Variants in CDHR1 observed in about 807,000 individuals in gnomAD.
The protein encoded by CDHR1 is cadherin related family member 1, also known as cadherin-related family member 1.
In CDHR1, 61 loss-of-function variants were observed where a neutral mutation model predicts 72.1. The observed-to-expected ratio is 0.85, with a 90% CI of 0.69 to 1.05. CDHR1 has a LOEUF of 1.05. Among genes scored for constraint, CDHR1 ranks in the 50% least tolerant of loss-of-function variants. The pLI, the probability that CDHR1 is intolerant of heterozygous loss-of-function variation, is 0.00. For synonymous variants in CDHR1, 470 were observed against 448.1 expected, an observed-to-expected ratio of 1.05 and a Z score of -0.62; for missense variants, 1,186 against 1,115.7, an observed-to-expected ratio of 1.06 and a Z score of -0.90.
In CDHR1 at chr10:84,218,030, G is replaced by A. The variant is rs996542769; in HGVS notation, c.*3409G>A. 2.1e-5 allele frequency: 21 copies of A among 985,304 alleles called. No homozygotes were observed. Among genetic ancestry groups the A allele is most frequent in the Admixed American group, 1.2e-4 (2 of 16,276 alleles). 61.0% of individuals were successfully genotyped at this position (985,304 alleles called of 1,614,324 possible). On this transcript the variant is annotated 3_prime_UTR_variant, in exon 17 of 17. Coordinates refer to ENST00000623527, the MANE Select transcript of CDHR1 (RefSeq NM_033100.4). Reference sequence around the variant, plus strand: ...GATTCTATTTTTAGGGACTGAAGGCGTTGAGGGAATCCAAGGCCAGTCCAC... The same window carrying A: ...GATTCTATTTTTAGGGACTGAAGGCATTGAGGGAATCCAAGGCCAGTCCAC...
intron 4 of CDHR1, 83 bp downstream of exon 4, chr10:84,197,919 G>C: frequency 7.4e-7 from 1 of 1,343,208 alleles, no homozygotes; most frequent in South Asian, 1.2e-5. Flanking sequence ...TCCTCCCCAA[G>C]CCTTCATGGG....
At chr10:84,195,848 A>G (rs750223655) in intron 2 of CDHR1, among the ~76,000 whole-genome samples, 28 of 152,214 alleles carry the variant, frequency 1.8e-4, no homozygotes, top group African/African-American at 6.0e-4. Flanking sequence ...GCTGCCCCTT[A>G]TGGCTGTGTG....
chr10:84,213,019 C>A lies in CDHR1; in HGVS notation c.1783-72C>A, dbSNP rs11596760. 753 of 1,588,114 alleles carry A rather than the reference C, an allele frequency of 4.7e-4. 2 individuals are homozygous for A. Among genetic ancestry groups the A allele is most frequent in the South Asian group, 9.6e-4 (87 of 90,362 alleles). ...CATCAACCCAGCAAGCCCCATATGACGTGCTGATTTAGCCAGAGTACACAA... is the reference window on the plus strand; with the variant it reads ...CATCAACCCAGCAAGCCCCATATGAAGTGCTGATTTAGCCAGAGTACACAA... On this transcript the variant is annotated intron_variant, in intron 15 of 16. Coordinates refer to ENST00000623527, the MANE Select transcript of CDHR1 (RefSeq NM_033100.4).
chr10:84,213,072 T>A lies in CDHR1; in HGVS notation c.1783-19T>A. 1 of 1,614,228 alleles carries A rather than the reference T, an allele frequency of 6.2e-7. No homozygotes were observed. On this transcript the variant is annotated intron_variant, in intron 15 of 16. Transcript: ENST00000623527. Reference sequence around the variant, plus strand: ...ATTGTCCCCAAAGCCCAGCTCTGTCTGTCTCTCCCTGCGCACAGGCCATAG... The same window carrying A: ...ATTGTCCCCAAAGCCCAGCTCTGTCAGTCTCTCCCTGCGCACAGGCCATAG...
rs74598037 is a variant in CDHR1, at chr10:84,200,418, C to G, written c.439-183C>G. On this transcript the variant is annotated intron_variant, in intron 5 of 16. Coordinates refer to ENST00000623527, the MANE Select transcript of CDHR1 (RefSeq NM_033100.4). ...CGTCTTTTTGCTCCAATTTCCCTTT[C>G]CCTCTTTCCTGCACCCTCTCTGGGC... Among the ~76,000 whole-genome samples the G allele has an allele frequency of 5.6e-3, 853 of 152,252 alleles. 25 individuals carry two copies. The highest frequency in any genetic ancestry group is 0.043 in the Admixed American group (652 of 15,304).
Position 84,212,889 on chromosome 10 carries a change from G to A in CDHR1, c.1783-202G>A, listed in dbSNP as rs185820974. The A allele has an allele frequency of 5.9e-5, 38 of 649,262 alleles. No homozygotes were observed. The Admixed American group carries it at 6.7e-4, about 11-fold the overall frequency. 40.2% of individuals were successfully genotyped at this position (649,262 alleles called of 1,614,324 possible). ...CTAGACTTGTTCTGATAATGGAATC[G>A]GCTAGCCCATGTGTAAGACCTACGT... is the stretch of plus-strand genomic sequence containing the variant. On this transcript the variant is annotated intron_variant, in intron 15 of 16. Coordinates refer to ENST00000623527, the MANE Select transcript of CDHR1 (RefSeq NM_033100.4).
In CDHR1 at chr10:84,214,473, T is replaced by G. The variant is rs757633926; in HGVS notation, c.2432T>G (p.Val811Gly). ...APSTGAAQWT[V>G]PTVSGSLTPQ... The stretch of plus-strand genomic sequence containing the variant: ...AGCACTGGCGCAGCCCAGTGGACCG[T>G]GCCTACTGTCTCTGGCTCTCTCACT... The change falls in exon 17 of 17, where the codon GTG becomes GGG. Residue 811 changes from valine (V) to glycine (G), a missense_variant. Coordinates refer to ENST00000623527, the MANE Select transcript of CDHR1 (RefSeq NM_033100.4). 6.1e-5 allele frequency: 98 copies of G among 1,610,386 alleles called. No individual in the cohort carries two copies. The Admixed American group carries it at 1.6e-3, about 26-fold the overall frequency.
chr10:84,213,956 A>G, intron 16 of CDHR1, 126 bp from the exon 17 acceptor site: 2 of 1,242,542 alleles, frequency 1.6e-6, no homozygotes. Flanking sequence ...TGCCTATCAG[A>G]TTCTCAAAGG....
In CDHR1 at chr10:84,205,923, T is replaced by A; in HGVS notation, c.959T>A (p.Val320Glu). ...QLQREVYELH[V>E]QVTEMSPAGS... Reference sequence around the variant, plus strand: ...CAGAGAGAGGTGTATGAGCTGCATGTACAGGTACCCTCCCTCTAGCTTTGT... The same window carrying A: ...CAGAGAGAGGTGTATGAGCTGCATGAACAGGTACCCTCCCTCTAGCTTTGT... Residue 320 changes from valine to glutamate, a missense_variant, in exon 10 of 17, where the codon GTA (valine) becomes GAA (glutamate). Physicochemically the swap from Val to Glu is moderately radical, Grantham distance 121 (BLOSUM62 -2). Coordinates refer to ENST00000623527, the MANE Select transcript of CDHR1 (RefSeq NM_033100.4). 1 of 1,612,384 alleles carries A rather than the reference T, an allele frequency of 6.2e-7. No homozygotes were observed. Among genetic ancestry groups the A allele is most frequent in the Non-Finnish European group, 8.5e-7 (1 of 1,178,440 alleles).
rs1842416466 is a variant in CDHR1, at chr10:84,215,751, C to T, written c.*1130C>T. On this transcript the variant is annotated 3_prime_UTR_variant, in exon 17 of 17. Coordinates refer to ENST00000623527, the MANE Select transcript of CDHR1 (RefSeq NM_033100.4). ...CTTCCAGAAAGTATTAGGAGCCTCA[C>T]ATCTACTCTGCCAAGCGCCCCAGCA... is the stretch of plus-strand genomic sequence containing the variant. 1 of 985,480 alleles carries T rather than the reference C, an allele frequency of 1.0e-6. No individual in the cohort carries two copies. Among genetic ancestry groups the T allele is most frequent in the Non-Finnish European group, 1.2e-6 (1 of 829,962 alleles). 61.0% of individuals were successfully genotyped at this position (985,480 alleles called of 1,614,324 possible).
At chr10:84,204,439 C>A in intron 8 of CDHR1, 88 bp from the exon 9 acceptor site, 1 of 932,248 alleles carries the variant, frequency 1.1e-6, no homozygotes, top group Non-Finnish European at 1.8e-6. Context: ...GTGGGGGTAG[C>A]ACCTCCTTTT....
chr10:84,214,351 A>C lies in CDHR1; in HGVS notation c.2310A>C (p.Lys770Asn). 1 of 1,614,212 alleles carries C rather than the reference A, an allele frequency of 6.2e-7. No individual in the cohort carries two copies. Among genetic ancestry groups the C allele is most frequent in the South Asian group, 1.1e-5 (1 of 91,090 alleles). The change falls in exon 17 of 17, where the codon AAA (lysine) becomes AAC (asparagine). Residue 770 changes from lysine (K) to asparagine (N), a missense_variant. Lys to Asn is a moderately conservative substitution (Grantham distance 94, BLOSUM62 0). Transcript: ENST00000623527. The part of the protein sequence containing the change: ...STKAATKFML[K>N]EKPPNENCNN... ...AAGCCGCTACCAAGTTCATGCTCAA[A>C]GAGAAACCTCCCAATGAGAACTGTA...
Position 84,208,188 on chromosome 10 carries a change from C to T in CDHR1, c.978C>T (p.Ser326=). The T allele has an allele frequency of 6.2e-7, 1 of 1,614,096 alleles. No homozygotes were observed. The highest frequency in any genetic ancestry group is 8.5e-7 in the Non-Finnish European group (1 of 1,180,000). Residue 326 remains serine, a synonymous_variant, in exon 11 of 17, where the codon AGC becomes AGT. Coordinates refer to ENST00000623527, the MANE Select transcript of CDHR1 (RefSeq NM_033100.4). ...CCCCATCCCAGGTGACTGAAATGAG[C>T]CCTGCGGGGAGCCCAGCTGCCCAGG... is the stretch of plus-strand genomic sequence containing the variant. ...YELHVQVTEM[S]PAGSPAAQAT...
At chr10:84,212,834 C>A in intron 15 of CDHR1, 1 of 585,838 alleles carries the variant, frequency 1.7e-6, no homozygotes, top group South Asian at 2.0e-5. Flanking sequence ...ATTTCTGCAT[C>A]TGTAATATGG....
Position 84,218,265 on chromosome 10 carries a change from G to A in CDHR1, c.*3644G>A. The stretch of plus-strand genomic sequence containing the variant: ...CTGAAGGGCCTAGTTTCCAGAATGA[G>A]GCGGTCATGGCTTAAGCGACCATCA... On this transcript the variant is annotated 3_prime_UTR_variant, in exon 17 of 17. Transcript: ENST00000623527. 2 of 985,448 alleles carry A rather than the reference G, an allele frequency of 2.0e-6. No individual in the cohort carries two copies. Among genetic ancestry groups the A allele is most frequent in the Non-Finnish European group, 2.4e-6 (2 of 829,940 alleles). 61.0% of individuals were successfully genotyped at this position (985,448 alleles called of 1,614,324 possible). A position where few individuals can be genotyped will look rare whatever the true frequency, so the allele number is the denominator to read the frequency against.
In CDHR1 at chr10:84,201,835, G is replaced by A. The variant is rs201731584; in HGVS notation, c.554G>A (p.Arg185His). The change falls in exon 7 of 17, where the codon CGC (arginine) becomes CAC (histidine). Residue 185 changes from arginine (R) to histidine (H), a missense_variant. Arg to His is a conservative substitution (Grantham distance 29). Coordinates refer to ENST00000623527, the MANE Select transcript of CDHR1 (RefSeq NM_033100.4). ...QNLHSPFAVDRHSGVLRLQAG... is the reference protein window; with the variant it reads ...QNLHSPFAVDHHSGVLRLQAG... ...CTGCACTCCCCATTTGCCGTGGACC[G>A]CCACAGCGGTGTGCTGCGCCTCCAG... 113 of 1,610,314 alleles carry A rather than the reference G, an allele frequency of 7.0e-5. No individual in the cohort carries two copies. The highest frequency in any genetic ancestry group is 2.2e-4 in the East Asian group (10 of 44,880).
Position 84,213,342 on chromosome 10 carries a change from T to A in CDHR1, c.2034T>A (p.Asp678Glu). The change falls in exon 16 of 17, where the codon GAT (aspartate) becomes GAA (glutamate). Residue 678 changes from aspartate to glutamate, a missense_variant. By Grantham distance (45) the Asp-to-Glu change is conservative. Coordinates refer to ENST00000623527, the MANE Select transcript of CDHR1 (RefSeq NM_033100.4). ...CCTTACTCAAGATTGACATCACAGA[T>A]GCTGAGGTGAGTACAAAGCCATGGT... is the stretch of plus-strand genomic sequence containing the variant. ...TTALLKIDIT[D>E]AETLSRSPMA... 6.2e-7 allele frequency: 1 copy of A among 1,614,144 alleles called. No homozygotes were observed.
intron 14 of CDHR1, 102 bp from the exon 15 acceptor site, chr10:84,212,077 C>G: frequency 9.6e-7 from 1 of 1,036,884 alleles, no homozygotes; most frequent in South Asian, 1.3e-5. Flanking sequence ...TGCATGACAC[C>G]TCACTCCTGC....
chr10:84,211,606 T>C, intron 13 of CDHR1, 42 bp from the exon 14 acceptor site: 1 of 1,576,830 alleles, frequency 6.3e-7, no homozygotes, highest in Non-Finnish European at 8.7e-7. Context: ...CAACATACCC[T>C]GACAAAGAGG....
Sources: gnomAD v4.1 joint callset for allele counts (sites outside exome capture counted in the v4.1 genomes callset) on GRCh38, gnomAD v4.1.1 for gene constraint, MANE v1.5 for transcripts, NCBI Gene and HGNC (gene_info 2026-07-23, HGNC 2026-07-21) for gene names.